Variants in RAD21L1 observed in about 807,000 individuals in gnomAD.
RAD21L1 encodes the protein double-strand-break repair protein rad21-like protein 1.
Under a neutral mutation model 69.0 loss-of-function variants are expected in RAD21L1, and 47 were observed. The observed-to-expected ratio is 0.68, with a 90% CI of 0.54 to 0.87. The LOEUF is 0.87. RAD21L1 is among the 40% of genes least tolerant of loss of function. RAD21L1 has a pLI of 0.00. For missense variants in RAD21L1, 583 were observed against 647.6 expected, an observed-to-expected ratio of 0.90 and a Z score of 1.08; for synonymous variants, 177 against 205.8, an observed-to-expected ratio of 0.86 and a Z score of 1.20.
intron 11 of RAD21L1, among the ~76,000 whole-genome samples, chr20:1,244,539 A>G (rs764451038): frequency 3.3e-5 from 5 of 152,150 alleles, no homozygotes; most frequent in Non-Finnish European, 7.3e-5. Flanking sequence ...GCTTTTCATC[A>G]TAAATTCACC....
chr20:1,240,946 G>A (rs546578327), intron 8 of RAD21L1, among the ~76,000 whole-genome samples: 3 of 152,320 alleles, frequency 2.0e-5, no homozygotes, highest in African/African-American at 7.2e-5. Flanking sequence ...CACCAGAGGT[G>A]TAACACTGCC....
chr20:1,242,833 T>C lies in RAD21L1; in HGVS notation c.1071T>C (p.Ala357=), dbSNP rs2087640924. The C allele has an allele frequency of 1.3e-6, 2 of 1,550,478 alleles. No homozygotes were observed. Among genetic ancestry groups the C allele is most frequent in the Non-Finnish European group, 8.7e-7 (1 of 1,145,886 alleles). The change falls in exon 9 of 14, where the codon GCT becomes GCC. Residue 357 remains alanine, a synonymous_variant. Coordinates refer to ENST00000683101, the MANE Select transcript of RAD21L1 (RefSeq NM_001384355.1). The part of the protein sequence containing the change: ...LSTAAQDLIH[A]ELKMLFTKCF... ...CTGCTGCCCAGGATTTGATTCATGCTGAACTGAAAATGGTAACGGTTCCTA... is the reference window on the plus strand; with the variant it reads ...CTGCTGCCCAGGATTTGATTCATGCCGAACTGAAAATGGTAACGGTTCCTA...
chr20:1,243,914 G>C (rs2087669768), intron 10 of RAD21L1, 132 bp from the exon 11 acceptor site: 1 of 738,428 alleles, frequency 1.4e-6, no homozygotes, highest in Admixed American at 2.8e-5. Flanking sequence ...CAATAAGAAA[G>C]TTTGTGTATC....
At chr20:1,251,766 CAGG>C (rs2087838420) in intron 13 of RAD21L1, among the ~76,000 whole-genome samples, 1 of 151,702 alleles carries the variant, frequency 6.6e-6, no homozygotes, top group Non-Finnish European at 1.5e-5. Flanking sequence ...TTTTGTTTTC[CAGG>C]AGTTTTTTTT....
chr20:1,255,837 G>A lies in RAD21L1; in HGVS notation c.*1380G>A, dbSNP rs1368778345. 6.6e-6 allele frequency among the ~76,000 whole-genome samples: 1 copy of A among 152,128 alleles called. No individual in the cohort carries two copies. The highest frequency in any genetic ancestry group is 6.5e-5 in the Admixed American group (1 of 15,274). ...GGAATCATATAGCATGTAAGCTTTC[G>A]ATACGGGCTTCTTTCACTCATAAAT... On this transcript the variant is annotated 3_prime_UTR_variant, in exon 14 of 14. Coordinates refer to ENST00000683101, the MANE Select transcript of RAD21L1 (RefSeq NM_001384355.1).
Position 1,246,297 on chromosome 20 carries a change from G to A in RAD21L1, c.1393G>A (p.Val465Ile). 6.8e-7 allele frequency: 1 copy of A among 1,477,398 alleles called. No individual in the cohort carries two copies. The highest frequency in any genetic ancestry group is 1.3e-5 in the South Asian group (1 of 79,186). The allele number at this position is 1,477,398 out of a possible 1,614,324, so 91.5% of individuals were successfully genotyped here. The change falls in exon 12 of 14, where the codon GTT (valine) becomes ATT (isoleucine). Residue 465 changes from valine to isoleucine, a missense_variant. Transcript: ENST00000683101. The surrounding 1 kb of genome is among the most constrained non-coding windows in gnomAD (Gnocchi z 4.6). Reference sequence around the variant, plus strand: ...TGCACAAGAAATTGAATATAGTCCAGTTGAATTGGTAAATATATGTGTAGT... The same window carrying A: ...TGCACAAGAAATTGAATATAGTCCAATTGAATTGGTAAATATATGTGTAGT... Reference protein sequence around the residue: ...LFAQEIEYSPVELESLSNEEN... With the variant: ...LFAQEIEYSPIELESLSNEEN...
chr20:1,239,351 A>C lies in RAD21L1; in HGVS notation c.686A>C (p.Asp229Ala). The C allele has an allele frequency of 1.3e-6, 2 of 1,550,180 alleles. 1 individual carries two copies. Among genetic ancestry groups the C allele is most frequent in the South Asian group, 2.4e-5 (2 of 83,958 alleles). Residue 229 changes from aspartate to alanine, a missense_variant, in exon 7 of 14, where the codon GAC (aspartate) becomes GCC (alanine). Coordinates refer to ENST00000683101, the MANE Select transcript of RAD21L1 (RefSeq NM_001384355.1). ...GATGATCAGAATATCCTGTTAGAAG[A>C]CATGCATTTGAACAGAGAAATTTCC... Reference protein sequence around the residue: ...LQDDQNILLEDMHLNREISLP... With the variant: ...LQDDQNILLEAMHLNREISLP...
rs187889035 is a variant in RAD21L1, at chr20:1,254,662, T to G, written c.*205T>G. On this transcript the variant is annotated 3_prime_UTR_variant, in exon 14 of 14. Transcript: ENST00000683101. ...AAGAAATACTTTAAATTCTGTTTTG[T>G]TTTTTTTTGTTGTTTTTTTAAGGAC... Among the ~76,000 whole-genome samples the G allele has an allele frequency of 4.9e-4, 34 of 69,366 alleles. No individual in the cohort carries two copies. The highest frequency in any genetic ancestry group is 7.1e-4 in the Non-Finnish European group (23 of 32,198). The allele number at this position is 69,366 out of a possible 152,430, so 45.5% of individuals were successfully genotyped here. A position where few individuals can be genotyped will look rare whatever the true frequency, so the allele number is the denominator to read the frequency against.
intron 1 of RAD21L1, among the ~76,000 whole-genome samples, chr20:1,228,206 G>A (rs1297001685): frequency 6.6e-6 from 1 of 152,166 alleles, no homozygotes; most frequent in African/African-American, 2.4e-5. Context: ...TAAGCCCGGT[G>A]TAGAGGTGTA....
At chr20:1,233,599 A>G (rs1034368423) in intron 4 of RAD21L1, among the ~76,000 whole-genome samples, 2 of 152,194 alleles carry the variant, frequency 1.3e-5, no homozygotes, top group African/African-American at 4.8e-5. Context: ...CAGCAGATTC[A>G]TCGTCTGGTG....
Position 1,254,510 on chromosome 20 carries a change from G to T in RAD21L1, c.*53G>T. 1 of 1,319,728 alleles carries T rather than the reference G, an allele frequency of 7.6e-7. No homozygotes were observed. Among genetic ancestry groups the T allele is most frequent in the Non-Finnish European group, 1.0e-6 (1 of 989,122 alleles). 81.8% of individuals were successfully genotyped at this position (1,319,728 alleles called of 1,614,324 possible). On this transcript the variant is annotated 3_prime_UTR_variant, in exon 14 of 14. Transcript: ENST00000683101. ...CATCACTGGAATTTCTGTGTAGATT[G>T]TTCAATTTAATGCAGAAGCCATCTG...
intron 5 of RAD21L1, among the ~76,000 whole-genome samples, chr20:1,237,249 G>T (rs2087516577): frequency 6.6e-6 from 1 of 152,170 alleles, no homozygotes; most frequent in African/African-American, 2.4e-5. Context: ...GGAAATAACT[G>T]ATGTCTGGTC....
intron 6 of RAD21L1, among the ~76,000 whole-genome samples, 193 bp from the exon 7 acceptor site, chr20:1,239,119 G>A (rs1008837474): frequency 6.6e-6 from 1 of 152,048 alleles, no homozygotes; most frequent in Non-Finnish European, 1.5e-5. Context: ...GAGCCACTGC[G>A]CCCAGCCAAA....
At chr20:1,242,019 T>A (rs2087617519) in intron 8 of RAD21L1, among the ~76,000 whole-genome samples, 1 of 152,178 alleles carries the variant, frequency 6.6e-6, no homozygotes, top group Non-Finnish European at 1.5e-5. Flanking sequence ...TAGAAAGTTA[T>A]TCTATTACAT....
chr20:1,231,646 G>T lies in RAD21L1; in HGVS notation c.368+27G>T, dbSNP rs556829510. ...TAAAATATTTTATTTATTTTCCTTC[G>T]ATTTAATTTTCTTGATATTTGTTTT... On this transcript the variant is annotated intron_variant, in intron 4 of 13. Transcript: ENST00000683101. The T allele has an allele frequency of 4.7e-5, 53 of 1,129,510 alleles. No individual in the cohort carries two copies. The African/African-American group carries it at 6.9e-4, about 15-fold the overall frequency. The allele number at this position is 1,129,510 out of a possible 1,614,324, so 70.0% of individuals were successfully genotyped here. A position where few individuals can be genotyped will look rare whatever the true frequency, so the allele number is the denominator to read the frequency against.
rs56251114 is a variant in RAD21L1, at chr20:1,251,370, G to GTTT, written c.1479+2677_1479+2679dup. Reference sequence around the variant, plus strand: ...CTCTGGAATTTCATGATGTGCTTTGGTTTTTTTTTTTTCCACTTATTGTCT... The same window carrying GTTT: ...CTCTGGAATTTCATGATGTGCTTTGGTTTTTTTTTTTTTTTCCACTTATTGTCT... On this transcript the variant is annotated intron_variant, in intron 13 of 13. Transcript: ENST00000683101. Among the ~76,000 whole-genome samples, 931 of 144,778 alleles carry GTTT rather than the reference G, an allele frequency of 6.4e-3. 2 individuals are homozygous for GTTT. The highest frequency in any genetic ancestry group is 0.014 in the Middle Eastern group (4 of 280). 95.0% of individuals were successfully genotyped at this position (144,778 alleles called of 152,430 possible).
chr20:1,229,657 C>T (rs1323246443), intron 2 of RAD21L1, among the ~76,000 whole-genome samples: 1 of 152,040 alleles, frequency 6.6e-6, no homozygotes, highest in Non-Finnish European at 1.5e-5. Context: ...CTCATAATAC[C>T]AATAATAGTA....
chr20:1,229,446 C>T (rs201692955), intron 2 of RAD21L1, among the ~76,000 whole-genome samples: 9 of 152,172 alleles, frequency 5.9e-5, no homozygotes, highest in East Asian at 1.9e-4. Context: ...ACCCGGGAGG[C>T]GGAGGTTGCA....
At chr20:1,253,432 G>A (rs1010614881) in intron 13 of RAD21L1, among the ~76,000 whole-genome samples, 2 of 152,158 alleles carry the variant, frequency 1.3e-5, no homozygotes, top group African/African-American at 2.4e-5. Context: ...GAATAGCTGG[G>A]ATTAGAGGCG....
Sources: allele counts gnomAD v4.1 joint callset (sites outside exome capture counted in the v4.1 genomes callset), GRCh38; gene constraint gnomAD v4.1.1; non-coding constraint Gnocchi (gnomAD v3.1); transcripts MANE v1.5; gene names NCBI Gene and HGNC (gene_info 2026-07-23, HGNC 2026-07-21).